CACNA2D3: variants seen among roughly 807,000 people sequenced by gnomAD.
CACNA2D3 encodes the protein calcium voltage-gated channel auxiliary subunit alpha2delta 3, also known as voltage-dependent calcium channel subunit alpha-2/delta-3.
In CACNA2D3, 60 loss-of-function variants were observed where a neutral mutation model predicts 160.6. That is an observed-to-expected ratio of 0.37 (90% CI 0.30 to 0.46). The LOEUF (loss-of-function observed/expected upper bound fraction) is 0.46, where lower values mean the gene tolerates loss of function less well. Among genes scored for constraint, CACNA2D3 ranks in the 20% least tolerant of loss-of-function variants. CACNA2D3 has a pLI of 1.00. For synonymous variants in CACNA2D3, 558 were observed against 492.9 expected, an observed-to-expected ratio of 1.13 and a Z score of -1.75; for missense variants, 1,205 against 1,365.0, an observed-to-expected ratio of 0.88 and a Z score of 1.85.
intron 2 of CACNA2D3, among the ~76,000 whole-genome samples, chr3:54,251,506 G>T (rs897796997): frequency 6.6e-6 from 1 of 152,150 alleles, no homozygotes; most frequent in Non-Finnish European, 1.5e-5. Flanking sequence ...ACTCTCATCT[G>T]CCACTGTTTT....
At chr3:54,322,553 A>G (rs1255927371) in intron 3 of CACNA2D3, among the ~76,000 whole-genome samples, 1 of 152,162 alleles carries the variant, frequency 6.6e-6, no homozygotes, top group Non-Finnish European at 1.5e-5. Flanking sequence ...CAGCAGAGTT[A>G]ATTTTTACAC....
At chr3:54,449,380 G>A (rs1700270239) in intron 4 of CACNA2D3, among the ~76,000 whole-genome samples, 1 of 152,230 alleles carries the variant, frequency 6.6e-6, no homozygotes. Flanking sequence ...AACATAGTGT[G>A]TTCACTTCAT....
At chr3:54,320,340 A>G (rs1195406490) in intron 2 of CACNA2D3, 102 bp from the exon 3 acceptor site, 1 of 570,820 alleles carries the variant, frequency 1.8e-6, no homozygotes, top group Non-Finnish European at 3.0e-6. Context: ...TCATGGTGTA[A>G]TTTTATCTTT....
intron 17 of CACNA2D3, among the ~76,000 whole-genome samples, chr3:54,848,910 C>T (rs1192941717): frequency 1.3e-5 from 2 of 152,180 alleles, no homozygotes; most frequent in African/African-American, 4.8e-5. Context: ...AAAGCAGGCC[C>T]CAGAATATCT....
chr3:54,698,657 C>T (rs930243094), intron 11 of CACNA2D3, among the ~76,000 whole-genome samples: 6 of 151,952 alleles, frequency 3.9e-5, no homozygotes, highest in Non-Finnish European at 7.4e-5. Flanking sequence ...TGAGAACGTA[C>T]AAGTAAGCAG....
At chr3:54,125,260 C>G (rs1411443804) in intron 2 of CACNA2D3, among the ~76,000 whole-genome samples, 1 of 151,788 alleles carries the variant, frequency 6.6e-6, no homozygotes, top group Non-Finnish European at 1.5e-5. Context: ...CACACACACA[C>G]ACACACACAC....
chr3:54,873,045 T>C (rs2106824304), intron 18 of CACNA2D3, among the ~76,000 whole-genome samples: 1 of 152,212 alleles, frequency 6.6e-6, no homozygotes, highest in Non-Finnish European at 1.5e-5. Flanking sequence ...ATGTTTGTCT[T>C]GGGTGAGTGA....
At chr3:55,072,718 A>T (rs1337132657) in intron 35 of CACNA2D3, among the ~76,000 whole-genome samples, 2 of 152,156 alleles carry the variant, frequency 1.3e-5, no homozygotes, top group Non-Finnish European at 2.9e-5. Context: ...TGTGTTTGTT[A>T]AAGGATTATT....
chr3:54,400,965 AT>A (rs1240739956), intron 4 of CACNA2D3, among the ~76,000 whole-genome samples: 1 of 152,180 alleles, frequency 6.6e-6, no homozygotes, highest in Non-Finnish European at 1.5e-5. Context: ...ACTCTGTGAG[AT>A]TTGAGATAAG....
At chr3:54,722,149 T>C (rs1004750841) in intron 11 of CACNA2D3, among the ~76,000 whole-genome samples, 1 of 152,240 alleles carries the variant, frequency 6.6e-6, no homozygotes, top group African/African-American at 2.4e-5. Context: ...TCTTGCTTTA[T>C]TTCATTAAGT....
chr3:54,285,122 A>T (rs967130975), intron 2 of CACNA2D3, among the ~76,000 whole-genome samples: 1 of 152,228 alleles, frequency 6.6e-6, no homozygotes, highest in African/African-American at 2.4e-5. Context: ...GAGCCGAAGC[A>T]GGACGAGGCA....
At chr3:54,517,659 GTCTTC>G (rs1402347851) in intron 5 of CACNA2D3, among the ~76,000 whole-genome samples, 1 of 152,202 alleles carries the variant, frequency 6.6e-6, no homozygotes, top group African/African-American at 2.4e-5. Flanking sequence ...GTAAATGTGC[GTCTTC>G]TCTTCATGCC....
chr3:54,392,914 G>T (rs193004371), intron 4 of CACNA2D3, among the ~76,000 whole-genome samples: 4 of 152,328 alleles, frequency 2.6e-5, no homozygotes, highest in Admixed American at 6.5e-5. Context: ...GACAGTGGGA[G>T]AGTGATGTCA....
At chr3:54,994,597 T>C (rs893648707) in intron 31 of CACNA2D3, among the ~76,000 whole-genome samples, 14 of 152,218 alleles carry the variant, frequency 9.2e-5, no homozygotes, top group African/African-American at 3.1e-4. Context: ...ACTGCCCTCA[T>C]CTTCATCATC....
At position 54,891,385 on chromosome 3, in the gene CACNA2D3, C is replaced by T. The variant is rs779501087; in HGVS notation, c.2181C>T (p.Phe727=). 1.9e-6 allele frequency: 3 copies of T among 1,613,916 alleles called. No individual in the cohort carries two copies. In the South Asian group the frequency reaches 3.3e-5, roughly 18 times the overall value. Residue 727 remains phenylalanine (F), a synonymous_variant, in exon 25 of 38, where the codon TTC becomes TTT. Coordinates refer to ENST00000474759, the MANE Select transcript of CACNA2D3 (RefSeq NM_018398.3). ...CTGACAAGGGCGTGGAGGTTGCCTT[C>T]CTCGGCACTCGCACGGGCCTCTCCA... ...ENSDKGVEVA[F]LGTRTGLSRI...
At chr3:54,473,819 C>T (rs1008910230) in intron 4 of CACNA2D3, among the ~76,000 whole-genome samples, 1 of 152,190 alleles carries the variant, frequency 6.6e-6, no homozygotes, top group African/African-American at 2.4e-5. Context: ...AAATGCAAAT[C>T]AGAACCACAA....
At chr3:54,451,558 C>T (rs997459443) in intron 4 of CACNA2D3, among the ~76,000 whole-genome samples, 58 of 152,190 alleles carry the variant, frequency 3.8e-4, no homozygotes, top group African/African-American at 1.2e-3. Flanking sequence ...ATTGGGTTCA[C>T]GAGTCACATG....
intron 32 of CACNA2D3, among the ~76,000 whole-genome samples, chr3:55,005,584 G>C (rs17054685): frequency 0.086 from 13,096 of 152,160 alleles, 1,275 homozygotes; most frequent in East Asian, 0.53. Context: ...TTTCAGCATC[G>C]TTTTCCCTGG....
intron 13 of CACNA2D3, among the ~76,000 whole-genome samples, chr3:54,784,457 C>T (rs1702595983): frequency 6.6e-6 from 1 of 151,718 alleles, no homozygotes; most frequent in Non-Finnish European, 1.5e-5. Flanking sequence ...TTTTTAATAA[C>T]CGAACTCTGT....
Sources: allele counts gnomAD v4.1 joint callset (sites outside exome capture counted in the v4.1 genomes callset), GRCh38; gene constraint gnomAD v4.1.1; transcripts MANE v1.5; gene names NCBI Gene and HGNC (gene_info 2026-07-23, HGNC 2026-07-21).